Variants in MICU1 observed in about 807,000 individuals in gnomAD.
The protein encoded by MICU1 is calcium uptake protein 1, mitochondrial.
In MICU1, 45 loss-of-function variants were observed where a neutral mutation model predicts 56.8. The ratio of observed to expected loss-of-function variants is 0.79; its 90% confidence interval spans 0.62 to 1.02. The LOEUF is 1.02. Among genes scored for constraint, MICU1 ranks in the 50% least tolerant of loss-of-function variants. MICU1 has a pLI of 0.00. For missense variants in MICU1, 504 were observed against 587.1 expected, an observed-to-expected ratio of 0.86 and a Z score of 1.46; for synonymous variants, 186 against 195.1, an observed-to-expected ratio of 0.95 and a Z score of 0.39.
At chr10:72,436,491 T>G (rs992407265) in intron 8 of MICU1, among the ~76,000 whole-genome samples, 2 of 152,058 alleles carry the variant, frequency 1.3e-5, no homozygotes, top group African/African-American at 4.8e-5. Context: ...ATTCTAAAAA[T>G]CAGAGCGCAT....
intron 1 of MICU1, among the ~76,000 whole-genome samples, chr10:72,593,484 A>G (rs188475003): frequency 1.7e-3 from 254 of 151,314 alleles, no homozygotes; most frequent in African/African-American, 5.8e-3. Context: ...AGATCGTGCT[A>G]CTGTACTACA....
intron 3 of MICU1, among the ~76,000 whole-genome samples, chr10:72,551,740 C>CT (rs535224429): frequency 1.3e-5 from 2 of 152,022 alleles, no homozygotes; most frequent in Non-Finnish European, 2.9e-5. Flanking sequence ...AATACCAAGT[C>CT]TTTTTTTCTA....
At chr10:72,411,192 G>C (rs1324551554) in intron 9 of MICU1, among the ~76,000 whole-genome samples, 1 of 152,188 alleles carries the variant, frequency 6.6e-6, no homozygotes, top group Non-Finnish European at 1.5e-5. Context: ...GTCAGGAGCT[G>C]GGAGGAGGAG....
intron 9 of MICU1, among the ~76,000 whole-genome samples, chr10:72,409,018 T>C (rs1434185390): frequency 6.6e-6 from 1 of 152,144 alleles, no homozygotes; most frequent in Non-Finnish European, 1.5e-5. Flanking sequence ...AAAGTAGTTA[T>C]AGAAATAGGG....
chr10:72,375,910 A>C (rs146835956), intron 10 of MICU1, 38 bp from the exon 11 acceptor site: 3 of 1,559,636 alleles, frequency 1.9e-6, no homozygotes, highest in Non-Finnish European at 2.6e-6. Flanking sequence ...CAGCAGAGGG[A>C]TTTTCATTTT....
At chr10:72,533,624 G>A in intron 5 of MICU1, 122 bp downstream of exon 5, 1 of 682,836 alleles carries the variant, frequency 1.5e-6, no homozygotes, top group Non-Finnish European at 2.4e-6. Context: ...CCTAACCTAA[G>A]CATGCTCTTT....
intron 6 of MICU1, among the ~76,000 whole-genome samples, chr10:72,506,679 C>T (rs1425122080): frequency 6.6e-6 from 1 of 152,318 alleles, no homozygotes; most frequent in South Asian, 2.1e-4. Context: ...TGTCATCATT[C>T]TCAAATAAAT....
At chr10:72,526,808 G>A (rs1012419319) in intron 5 of MICU1, among the ~76,000 whole-genome samples, 4 of 150,832 alleles carry the variant, frequency 2.7e-5, no homozygotes, top group Admixed American at 1.3e-4. Context: ...TTGTGTATAC[G>A]ACCTCTTAAA....
At chr10:72,464,522 A>G (rs933162056) in intron 8 of MICU1, among the ~76,000 whole-genome samples, 1 of 152,124 alleles carries the variant, frequency 6.6e-6, no homozygotes, top group African/African-American at 2.4e-5. Flanking sequence ...AAATACAGTA[A>G]TTATTTCAGT....
chr10:72,375,941 T>G, intron 10 of MICU1, 69 bp from the exon 11 acceptor site: 1 of 1,344,994 alleles, frequency 7.4e-7, no homozygotes, highest in Non-Finnish European at 1.0e-6. Flanking sequence ...ATTCAGGGGA[T>G]AAAACGACTC....
chr10:72,568,091 A>T (rs553457265), intron 1 of MICU1, among the ~76,000 whole-genome samples: 18 of 152,186 alleles, frequency 1.2e-4, no homozygotes, highest in African/African-American at 3.6e-4. Context: ...CTAGGAGGGG[A>T]GACTTTGCTG....
intron 5 of MICU1, among the ~76,000 whole-genome samples, chr10:72,510,923 C>A (rs759587145): frequency 1.3e-5 from 2 of 152,198 alleles, no homozygotes; most frequent in African/African-American, 2.4e-5. Context: ...TAAGCCACTG[C>A]GACCAGCCAA....
intron 11 of MICU1, among the ~76,000 whole-genome samples, chr10:72,370,119 C>T (rs1252207534): frequency 2.0e-5 from 3 of 152,068 alleles, no homozygotes; most frequent in African/African-American, 7.2e-5. Flanking sequence ...CCTCATGATC[C>T]GCCCACCTTG....
chr10:72,544,288 C>A (rs1839846754), intron 4 of MICU1, among the ~76,000 whole-genome samples: 1 of 152,158 alleles, frequency 6.6e-6, no homozygotes, highest in African/African-American at 2.4e-5. Context: ...GTGAGTCTTG[C>A]CGAAGCTCCC....
At chr10:72,599,532 A>G (rs997793602) in intron 1 of MICU1, among the ~76,000 whole-genome samples, 3 of 152,144 alleles carry the variant, frequency 2.0e-5, no homozygotes, top group Non-Finnish European at 4.4e-5. Flanking sequence ...CCTCTGGCTT[A>G]TCAGATCAAC....
At chr10:72,489,395 G>C (rs1004838438) in intron 6 of MICU1, among the ~76,000 whole-genome samples, 3 of 151,934 alleles carry the variant, frequency 2.0e-5, no homozygotes, top group African/African-American at 7.3e-5. Flanking sequence ...CTATAAGGTA[G>C]ATAGTTGTAG....
In MICU1 at chr10:72,594,925, CA is replaced by C. The variant is rs57504317; in HGVS notation, c.-1-28132del. On this transcript the variant is annotated intron_variant, in intron 1 of 11. Transcript: ENST00000361114. The stretch of plus-strand genomic sequence containing the variant: ...ACCCTGTCTCAAAAAAAGTACAATC[CA>C]AAAAAAAAAAAAAGATGAACCAATG... Among the ~76,000 whole-genome samples, 178 of 50,708 alleles carry C rather than the reference CA, an allele frequency of 3.5e-3. 3 individuals carry two copies. Among genetic ancestry groups the C allele is most frequent in the East Asian group, 4.9e-3 (13 of 2,660 alleles). 33.3% of individuals were successfully genotyped at this position (50,708 alleles called of 152,430 possible). A position where few individuals can be genotyped will look rare whatever the true frequency, so the allele number is the denominator to read the frequency against.
chr10:72,523,857 C>T (rs770839621), intron 5 of MICU1: 10 of 1,525,080 alleles, frequency 6.6e-6, no homozygotes, highest in South Asian at 1.2e-5. Flanking sequence ...ATATTCTTTT[C>T]ATGGTTTTCT....
At chr10:72,589,095 C>T (rs1841149431) in intron 1 of MICU1, among the ~76,000 whole-genome samples, 1 of 152,100 alleles carries the variant, frequency 6.6e-6, no homozygotes, top group African/African-American at 2.4e-5. Flanking sequence ...TGAGACCACC[C>T]TGGCCAACAT....
Sources: gnomAD v4.1 joint callset for allele counts (sites outside exome capture counted in the v4.1 genomes callset) on GRCh38, gnomAD v4.1.1 for gene constraint, MANE v1.5 for transcripts, NCBI Gene and HGNC (gene_info 2026-07-23, HGNC 2026-07-21) for gene names.